Variants in PRELID2 observed in about 807,000 individuals in gnomAD.
The protein encoded by PRELID2 is PRELI domain-containing protein 2.
Under a neutral mutation model 28.4 loss-of-function variants are expected in PRELID2, and 25 were observed. The ratio of observed to expected loss-of-function variants is 0.88; its 90% CI spans 0.64 to 1.23. The LOEUF (loss-of-function observed/expected upper bound fraction) is 1.23, where lower values mean the gene tolerates loss of function less well. Ranked by LOEUF, PRELID2 falls within the 50% of genes most tolerant of loss-of-function variation. The pLI, the probability that PRELID2 is intolerant of heterozygous loss-of-function variation, is 0.00. For synonymous variants in PRELID2, 76 were observed against 71.6 expected (o/e 1.06, Z -0.31); for missense variants, 201 against 214.4 (o/e 0.94, Z 0.39).
intron 1 of PRELID2, among the ~76,000 whole-genome samples, chr5:145,525,049 T>C (rs548506162): frequency 1.6e-4 from 25 of 152,204 alleles, no homozygotes; most frequent in Non-Finnish European, 3.1e-4. Flanking sequence ...CAAACACTAA[T>C]GAGATTAGTC....
At chr5:145,662,548 G>C (rs539408934) in intron 1 of PRELID2, among the ~76,000 whole-genome samples, 40 of 152,250 alleles carry the variant, frequency 2.6e-4, no homozygotes, top group Admixed American at 8.5e-4. Context: ...CAATGTGGCA[G>C]TATTGAGAGG....
the PRELID2 span, among the ~76,000 whole-genome samples, chr5:145,364,724 A>G: frequency 6.6e-6 from 1 of 151,942 alleles, no homozygotes; most frequent in African/African-American, 2.4e-5. Flanking sequence ...ATTCTATGGT[A>G]TATGCAGACA....
At chr5:145,804,296 G>A (rs945041017) in intron 4 of PRELID2, among the ~76,000 whole-genome samples, 1 of 151,936 alleles carries the variant, frequency 6.6e-6, no homozygotes, top group Admixed American at 6.6e-5. Context: ...ATATCATGAG[G>A]TCAGGAGTTT....
chr5:145,741,015 CAAATA>C (rs1756699991), intron 1 of PRELID2, among the ~76,000 whole-genome samples: 1 of 109,684 alleles, frequency 9.1e-6, no homozygotes, highest in Non-Finnish European at 1.7e-5. Context: ...TATTTGTATA[CAAATA>C]AAATATATAT....
chr5:145,379,417 T>C, the PRELID2 span, among the ~76,000 whole-genome samples: 1 of 152,100 alleles, frequency 6.6e-6, no homozygotes, highest in South Asian at 2.1e-4. Flanking sequence ...CTTCTGGTGA[T>C]TATGTGCATG....
chr5:145,735,151 A>G (rs1460907935), intron 1 of PRELID2, among the ~76,000 whole-genome samples: 1 of 151,656 alleles, frequency 6.6e-6, no homozygotes, highest in African/African-American at 2.4e-5. Context: ...AGGCTGAAGA[A>G]GGACAATTGC....
chr5:145,401,174 A>G, the PRELID2 span, among the ~76,000 whole-genome samples: 1 of 152,134 alleles, frequency 6.6e-6, no homozygotes, highest in African/African-American at 2.4e-5. Context: ...AGGACCTAAA[A>G]ATGTGAATTT....
chr5:145,825,225 C>CAAAAAAAAAAAAAAAAA (rs56818178), intron 1 of PRELID2, among the ~76,000 whole-genome samples: 10 of 60,402 alleles, frequency 1.7e-4, no homozygotes, highest in African/African-American at 5.4e-4. Context: ...GACTCTGTCT[C>CAAAAAAAAAAAAAAAAA]AAAAAAAAAA....
At chr5:145,747,807 G>A (rs1034135477) in intron 1 of PRELID2, among the ~76,000 whole-genome samples, 6 of 151,876 alleles carry the variant, frequency 4.0e-5, no homozygotes, top group East Asian at 1.9e-4. Flanking sequence ...AAACTTATCC[G>A]CCATGATCAA....
chr5:145,690,937 A>C (rs1205253070), intron 1 of PRELID2, among the ~76,000 whole-genome samples: 1 of 151,868 alleles, frequency 6.6e-6, no homozygotes, highest in East Asian at 1.9e-4. Flanking sequence ...AATTACAATG[A>C]TCTCATCCTG....
the PRELID2 span, among the ~76,000 whole-genome samples, chr5:145,274,003 T>C: frequency 9.7e-4 from 148 of 152,188 alleles, 1 homozygote; most frequent in Middle Eastern, 3.4e-3. Flanking sequence ...GGGTGCGTGA[T>C]GAGGATGGAG....
chr5:145,563,051 C>T (rs1752937286), intron 1 of PRELID2, among the ~76,000 whole-genome samples: 2 of 152,182 alleles, frequency 1.3e-5, no homozygotes, highest in Admixed American at 1.3e-4. Flanking sequence ...CACACCATCA[C>T]CATTCTTTGT....
At chr5:145,655,271 C>T (rs933654341) in intron 1 of PRELID2, among the ~76,000 whole-genome samples, 1 of 152,072 alleles carries the variant, frequency 6.6e-6, no homozygotes, top group African/African-American at 2.4e-5. Flanking sequence ...AATGGAAGAA[C>T]ATTCCATGCT....
At chr5:145,329,800 G>A in the PRELID2 span, among the ~76,000 whole-genome samples, 9 of 152,142 alleles carry the variant, frequency 5.9e-5, no homozygotes, top group Non-Finnish European at 1.3e-4. Flanking sequence ...GCCTTGGCCA[G>A]AACTTTCAAT....
At chr5:145,304,609 C>T in the PRELID2 span, among the ~76,000 whole-genome samples, 1 of 151,986 alleles carries the variant, frequency 6.6e-6, no homozygotes. Context: ...GAGTGAGAGC[C>T]TAGATTACAA....
At chr5:145,477,748 T>C (rs577037528) in intron 1 of PRELID2, among the ~76,000 whole-genome samples, 1 of 152,068 alleles carries the variant, frequency 6.6e-6, no homozygotes, top group Non-Finnish European at 1.5e-5. Context: ...TAAATAAAAT[T>C]TTATGTGAGT....
At chr5:145,336,911 A>T in the PRELID2 span, among the ~76,000 whole-genome samples, 2 of 136,642 alleles carry the variant, frequency 1.5e-5, no homozygotes, top group African/African-American at 5.5e-5. Flanking sequence ...GAATTGAACA[A>T]TGAGAACACA....
the PRELID2 span, among the ~76,000 whole-genome samples, chr5:145,455,534 C>G: frequency 1.3e-5 from 2 of 152,104 alleles, no homozygotes; most frequent in African/African-American, 4.8e-5. Context: ...TTACTTTGGG[C>G]AGTATGGCCA....
rs1356240408 is a variant in PRELID2, at chr5:145,816,502, CCT to C, written c.368+1390_368+1391del. Among the ~76,000 whole-genome samples, 6 of 152,230 alleles carry C rather than the reference CCT, an allele frequency of 3.9e-5. No individual in the cohort carries two copies. The East Asian group carries it at 1.2e-3, about 29-fold the overall frequency. ...TGCTATCATATCTAAGAAATTACTA[CCT>C]AACCCAAGATGACAAAGATTTATAC... On this transcript the variant is annotated intron_variant, in intron 4 of 6. Coordinates refer to ENST00000683046, the MANE Select transcript of PRELID2 (RefSeq NM_205846.3).
Sources: allele counts gnomAD v4.1 joint callset (sites outside exome capture counted in the v4.1 genomes callset), GRCh38; gene constraint gnomAD v4.1.1; transcripts MANE v1.5; gene names NCBI Gene and HGNC (gene_info 2026-07-23, HGNC 2026-07-21).